USP10: variants seen among roughly 807,000 people sequenced by gnomAD.
USP10 encodes ubiquitin carboxyl-terminal hydrolase 10.
Under a neutral mutation model 84.5 loss-of-function variants are expected in USP10, and 22 were observed. That is an observed-to-expected ratio of 0.26 (90% CI 0.19 to 0.37). The LOEUF (loss-of-function observed/expected upper bound fraction) is 0.37. Ranked by LOEUF, USP10 falls within the 10% of genes least tolerant of loss-of-function variation. The pLI, the probability that USP10 is intolerant of heterozygous loss-of-function variation, is 1.00. For missense variants in USP10, 1,019 were observed against 998.9 expected, an observed-to-expected ratio of 1.02 and a Z score of -0.27; for synonymous variants, 454 against 387.6, an observed-to-expected ratio of 1.17 and a Z score of -2.01.
chr16:84,775,766 T>C (rs7199841), intron 13 of USP10, among the ~76,000 whole-genome samples: 126 of 152,364 alleles, frequency 8.3e-4, no homozygotes, highest in African/African-American at 2.9e-3. Flanking sequence ...CCCTCATGGG[T>C]GGACCTTGAG....
chr16:84,749,385 T>C (rs143410390), intron 4 of USP10, among the ~76,000 whole-genome samples: 92 of 152,198 alleles, frequency 6.0e-4, no homozygotes, highest in African/African-American at 2.1e-3. Flanking sequence ...CATTAGTATC[T>C]AACTGTTTCT....
Position 84,744,087 on chromosome 16 carries a change from C to CT in USP10, c.152-536dup, listed in dbSNP as rs1220109743. On this transcript the variant is annotated intron_variant, in intron 3 of 13. Transcript: ENST00000219473. ...TTGTTGTTGAATCTTTTTTTGACAT[C>CT]TTTTTTTTTTGTTTTTAAATTTATA... 8.5e-4 allele frequency among the ~76,000 whole-genome samples: 125 copies of CT among 147,560 alleles called. 1 individual carries two copies. Among genetic ancestry groups the CT allele is most frequent in the Middle Eastern group, 6.8e-3 (2 of 292 alleles).
chr16:84,757,684 G>C (rs1271267397), intron 4 of USP10, among the ~76,000 whole-genome samples: 2 of 152,162 alleles, frequency 1.3e-5, no homozygotes, highest in East Asian at 1.9e-4. Context: ...GTATCTATTT[G>C]TGGGTTATAT....
intron 11 of USP10, among the ~76,000 whole-genome samples, chr16:84,770,067 C>T (rs1914268024): frequency 6.6e-6 from 1 of 152,056 alleles, no homozygotes; most frequent in South Asian, 2.1e-4. Context: ...TATGATCACG[C>T]CACTGCACTC....
intron 9 of USP10, among the ~76,000 whole-genome samples, chr16:84,763,422 A>ATATC (rs1207234804): frequency 2.6e-5 from 4 of 152,186 alleles, no homozygotes; most frequent in Admixed American, 1.3e-4. Context: ...ATATATATAT[A>ATATC]TGTCTTATCT....
chr16:84,744,576 C>A, intron 3 of USP10, 57 bp from the exon 4 acceptor site: 1 of 1,432,866 alleles, frequency 7.0e-7, no homozygotes. Flanking sequence ...TGAGTAATTA[C>A]TGGTACTTAG....
intron 4 of USP10, among the ~76,000 whole-genome samples, chr16:84,756,193 C>T (rs1597374392): frequency 6.6e-6 from 1 of 152,250 alleles, no homozygotes; most frequent in Admixed American, 6.5e-5. Context: ...GCGAGCTTGC[C>T]TAGGGCAGGA....
intron 1 of USP10, among the ~76,000 whole-genome samples, chr16:84,728,996 C>G (rs989325599): frequency 1.3e-5 from 2 of 151,982 alleles, no homozygotes; most frequent in Admixed American, 6.6e-5. Context: ...GTGGATTTCA[C>G]CATTTTGGCT....
At position 84,716,933 on chromosome 16, in the gene USP10, C is replaced by T. The variant is rs377263422; in HGVS notation, c.22-16502C>T. Among the ~76,000 whole-genome samples the T allele has an allele frequency of 8.5e-5, 13 of 152,284 alleles. No individual in the cohort carries two copies. In the South Asian group the frequency reaches 2.7e-3, roughly 32 times the overall value. Reference sequence around the variant, plus strand: ...GGTTACGCAACTTAAAATAGAAGTCCAGAGCCATAGGGACAGTCACTGTGA... The same window carrying T: ...GGTTACGCAACTTAAAATAGAAGTCTAGAGCCATAGGGACAGTCACTGTGA... On this transcript the variant is annotated intron_variant, in intron 1 of 13. Transcript: ENST00000219473.
chr16:84,757,525 G>C lies in USP10; in HGVS notation c.1193-1191G>C, dbSNP rs79414762. Among the ~76,000 whole-genome samples, 973 of 151,854 alleles carry C rather than the reference G, an allele frequency of 6.4e-3. 11 individuals are homozygous for C. The highest frequency in any genetic ancestry group is 0.022 in the African/African-American group (929 of 41,428). On this transcript the variant is annotated intron_variant, in intron 4 of 13. Coordinates refer to ENST00000219473, the MANE Select transcript of USP10 (RefSeq NM_005153.3). ...TGCCAGTACAATGTAGTTTAGAAAA[G>C]AAAAGCTTATTTTTGAGCGATGCCT...
intron 6 of USP10, 80 bp from the exon 7 acceptor site, chr16:84,759,811 C>G: frequency 1.4e-6 from 2 of 1,385,612 alleles, no homozygotes; most frequent in Middle Eastern, 2.4e-4. Context: ...AGCTGATATT[C>G]TACTTAGCCA....
chr16:84,742,744 C>T (rs1910772086), intron 3 of USP10, among the ~76,000 whole-genome samples: 2 of 152,200 alleles, frequency 1.3e-5, no homozygotes, highest in African/African-American at 4.8e-5. Context: ...AGTGTTCCTC[C>T]ATAAGAAGAG....
chr16:84,727,558 C>G (rs1220742845), intron 1 of USP10, among the ~76,000 whole-genome samples: 5 of 152,172 alleles, frequency 3.3e-5, no homozygotes, highest in African/African-American at 1.2e-4. Context: ...AAAGAATCCC[C>G]AGATGGTCCT....
chr16:84,765,458 C>G lies in USP10; in HGVS notation c.1832+1195C>G, dbSNP rs8045259. On this transcript the variant is annotated intron_variant, in intron 10 of 13. Coordinates refer to ENST00000219473, the MANE Select transcript of USP10 (RefSeq NM_005153.3). ...CCACCCCTAGGAACCACTCTTTTCC[C>G]TATCTCTGTAGTTTCGTCTTTTTTT... Among the ~76,000 whole-genome samples the G allele has an allele frequency of 1.2e-3, 179 of 150,592 alleles. 1 individual carries two copies. The highest frequency in any genetic ancestry group is 4.2e-3 in the African/African-American group (171 of 40,998).
At chr16:84,753,304 T>C (rs1380128541) in intron 4 of USP10, among the ~76,000 whole-genome samples, 2 of 152,158 alleles carry the variant, frequency 1.3e-5, no homozygotes, top group East Asian at 1.9e-4. Context: ...GTTTAAAACT[T>C]GTCAAGATTT....
Position 84,745,575 on chromosome 16 carries a change from C to A in USP10, c.1094C>A (p.Ser365Tyr). The change falls in exon 4 of 14, where the codon TCC becomes TAC. Residue 365 changes from serine to tyrosine, a missense_variant. Ser to Tyr is a moderately radical substitution (Grantham distance 144). Transcript: ENST00000219473. ...GTGGCCTATGTGGAAACTAAGTATT[C>A]CCCTCCCGCCATATCTCCCCTGGTT... ...SPVAYVETKY[S>Y]PPAISPLVSE... 6.2e-7 allele frequency: 1 copy of A among 1,610,288 alleles called. No individual in the cohort carries two copies.
chr16:84,764,945 T>A (rs1198086668), intron 10 of USP10, among the ~76,000 whole-genome samples: 1 of 111,198 alleles, frequency 9.0e-6, no homozygotes, highest in Admixed American at 9.4e-5. Context: ...AAAAAATATA[T>A]ATATATATAT....
At chr16:84,737,698 T>C (rs3751866) in intron 2 of USP10, among the ~76,000 whole-genome samples, 43,667 of 152,168 alleles carry the variant, frequency 0.29, 6,491 homozygotes, top group Admixed American at 0.42. Context: ...CAGTGTCACC[T>C]GCTGGCACTG....
rs566139751 is a variant in USP10, at chr16:84,706,346, A to G, written c.21+6235A>G. On this transcript the variant is annotated intron_variant, in intron 1 of 13. Coordinates refer to ENST00000219473, the MANE Select transcript of USP10 (RefSeq NM_005153.3). Reference sequence around the variant, plus strand: ...TGATACATTAAAACAATTTTTTTATACTTCATTTTTTAGAGCAGTTTTAGG... The same window carrying G: ...TGATACATTAAAACAATTTTTTTATGCTTCATTTTTTAGAGCAGTTTTAGG... Among the ~76,000 whole-genome samples, 30 of 152,104 alleles carry G rather than the reference A, an allele frequency of 2.0e-4. No individual in the cohort carries two copies. In the South Asian group the frequency reaches 6.0e-3, roughly 30 times the overall value.
Sources: gnomAD v4.1 joint callset for allele counts (sites outside exome capture counted in the v4.1 genomes callset) on GRCh38, gnomAD v4.1.1 for gene constraint, MANE v1.5 for transcripts, NCBI Gene and HGNC (gene_info 2026-07-23, HGNC 2026-07-21) for gene names.